The following ZBTB38 variants were observed in gnomAD, a reference collection of about 807,000 sequenced individuals.
The protein encoded by ZBTB38 is zinc finger and BTB domain containing 38.
Under a neutral mutation model 76.8 loss-of-function variants are expected in ZBTB38, and 20 were observed. The observed-to-expected ratio is 0.26, with a 90% CI of 0.18 to 0.38. The LOEUF is 0.38. ZBTB38 is among the 10% of genes least tolerant of loss of function. The pLI, the probability that ZBTB38 is intolerant of heterozygous loss-of-function variation, is 1.00. For missense variants in ZBTB38, 1,082 were observed against 1,482.3 expected (o/e 0.73, Z 4.43); for synonymous variants, 504 against 544.2 (o/e 0.93, Z 1.03).
At chr3:141,426,473 A>G (rs6762826) in intron 5 of ZBTB38, among the ~76,000 whole-genome samples, 28,499 of 152,142 alleles carry the variant, frequency 0.19, 4,250 homozygotes, top group African/African-American at 0.41. Flanking sequence ...ACCCAGCAGC[A>G]GGCCACAGAC....
At chr3:141,437,775 T>C (rs1217208350) in intron 5 of ZBTB38, among the ~76,000 whole-genome samples, 1 of 152,190 alleles carries the variant, frequency 6.6e-6, no homozygotes, top group African/African-American at 2.4e-5. Context: ...CTGTACTATC[T>C]GAATACCTCC....
intron 4 of ZBTB38, among the ~76,000 whole-genome samples, chr3:141,392,264 T>C (rs1949104219): frequency 6.6e-6 from 1 of 152,058 alleles, no homozygotes; most frequent in East Asian, 1.9e-4. Context: ...GGGCTGGTGG[T>C]AAAGGGGCTC....
chr3:141,371,366 T>C (rs1270143934), intron 2 of ZBTB38, among the ~76,000 whole-genome samples: 2 of 149,918 alleles, frequency 1.3e-5, no homozygotes, highest in African/African-American at 2.5e-5. Flanking sequence ...ACTTTTTTTT[T>C]CTTTGAGACA....
At chr3:141,436,331 C>G (rs1369495694) in intron 5 of ZBTB38, among the ~76,000 whole-genome samples, 1 of 152,166 alleles carries the variant, frequency 6.6e-6, no homozygotes, top group African/African-American at 2.4e-5. Context: ...ACTGAACCTG[C>G]CGAAGAGGCC....
chr3:141,329,384 C>G (rs767798132), intron 1 of ZBTB38, among the ~76,000 whole-genome samples: 3 of 152,168 alleles, frequency 2.0e-5, no homozygotes, highest in Non-Finnish European at 4.4e-5. Flanking sequence ...ATCCTTCTCC[C>G]AGCTTAATTT....
intron 2 of ZBTB38, among the ~76,000 whole-genome samples, chr3:141,380,438 A>T (rs769902027): frequency 6.6e-5 from 10 of 152,234 alleles, no homozygotes; most frequent in African/African-American, 1.9e-4. Context: ...AAAGATTTTC[A>T]TAGAGATTTT....
chr3:141,389,894 A>G (rs1451936856), intron 4 of ZBTB38: 1 of 152,166 alleles, frequency 6.6e-6, no homozygotes, highest in Non-Finnish European at 1.5e-5. Flanking sequence ...TTGTGACTCA[A>G]GCATGGTTGC....
chr3:141,349,765 T>C (rs111155330), intron 1 of ZBTB38, among the ~76,000 whole-genome samples: 182 of 150,566 alleles, frequency 1.2e-3, no homozygotes, highest in Non-Finnish European at 2.2e-3. Context: ...GAAAGACAGA[T>C]AAAAATAAAA....
At position 141,445,267 on chromosome 3, in the gene ZBTB38, G is replaced by A. The variant is rs1341263374; in HGVS notation, c.2879G>A (p.Cys960Tyr). The change falls in exon 6 of 6, where the codon TGC (cysteine) becomes TAC (tyrosine). Residue 960 changes from cysteine to tyrosine, a missense_variant. Cys to Tyr is a radical substitution (Grantham distance 194, BLOSUM62 -2). Around this residue, in one of 8 missense-constraint regions of ZBTB38, gnomAD observed 471 missense variants for 581.0 expected, o/e 0.81. Coordinates refer to ENST00000321464, the MANE Select transcript of ZBTB38 (RefSeq NM_001376113.1). The surrounding 1 kb of genome is among the most constrained non-coding windows in gnomAD (Gnocchi z 6.5). ...TGTAAATACCCAGCAGAACTGGATT[G>A]CGCCGTGGGGAAGGCTCCTCAGGAT... Reference protein sequence around the residue: ...HKCKYPAELDCAVGKAPQDKP... With the variant: ...HKCKYPAELDYAVGKAPQDKP... The A allele has an allele frequency of 1.9e-6, 3 of 1,614,108 alleles. No individual in the cohort carries two copies. In the African/African-American group the frequency reaches 4.0e-5, roughly 22 times the overall value.
chr3:141,416,244 G>C (rs2074021380), intron 5 of ZBTB38, among the ~76,000 whole-genome samples: 1 of 152,196 alleles, frequency 6.6e-6, no homozygotes, highest in South Asian at 2.1e-4. Flanking sequence ...CATTAATCTA[G>C]TTTAAAAATG....
At chr3:141,363,621 G>T (rs1004120376), upstream of ZBTB38, among the ~76,000 whole-genome samples, 2 of 151,840 alleles carry the variant, frequency 1.3e-5, no homozygotes, top group African/African-American at 2.4e-5. Context: ...TTGACAAAGG[G>T]GCCAAGACAA....
intron 1 of ZBTB38, among the ~76,000 whole-genome samples, chr3:141,346,219 G>C (rs1943349244): frequency 2.0e-5 from 3 of 152,124 alleles, no homozygotes; most frequent in South Asian, 4.1e-4. Flanking sequence ...TGATACCCAG[G>C]TGTCACCCCA....
intron 1 of ZBTB38, among the ~76,000 whole-genome samples, chr3:141,341,003 G>GAAGAA: frequency 6.7e-6 from 1 of 148,496 alleles, no homozygotes; most frequent in Non-Finnish European, 1.5e-5. Flanking sequence ...AAAGAAGAAA[G>GAAGAA]AAAGAAAGAA....
intron 5 of ZBTB38, among the ~76,000 whole-genome samples, chr3:141,406,180 T>C (rs575427056): frequency 6.6e-6 from 1 of 152,146 alleles, no homozygotes; most frequent in Non-Finnish European, 1.5e-5. Flanking sequence ...CATTAACCAA[T>C]AGGTGTCATT....
chr3:141,411,398 G>A (rs1956584827), intron 5 of ZBTB38, among the ~76,000 whole-genome samples: 1 of 152,204 alleles, frequency 6.6e-6, no homozygotes, highest in African/African-American at 2.4e-5. Context: ...AAAGAGCAAG[G>A]TTTCTCAAGG....
intron 1 of ZBTB38, among the ~76,000 whole-genome samples, chr3:141,340,142 C>G (rs1041278493): frequency 6.6e-6 from 1 of 152,174 alleles, no homozygotes; most frequent in African/African-American, 2.4e-5. Flanking sequence ...ATTCCAAAAC[C>G]TCTCTCAAAT....
chr3:141,426,015 A>G, intron 5 of ZBTB38: 1 of 542,532 alleles, frequency 1.8e-6, no homozygotes, highest in Non-Finnish European at 3.1e-6. Context: ...GTGTTGGGAC[A>G]CAGCTTGGAT....
intron 5 of ZBTB38, among the ~76,000 whole-genome samples, chr3:141,440,004 C>T (rs1223470457): frequency 6.6e-6 from 1 of 152,214 alleles, no homozygotes; most frequent in Non-Finnish European, 1.5e-5. Flanking sequence ...GTCACCCTTT[C>T]TCCCTTCAGG....
chr3:141,348,216 T>G (rs1943419983), intron 1 of ZBTB38, among the ~76,000 whole-genome samples: 2 of 152,204 alleles, frequency 1.3e-5, no homozygotes, highest in African/African-American at 4.8e-5. Flanking sequence ...TTACTATATA[T>G]GGTCATATGG....
Sources: allele counts gnomAD v4.1 joint callset (sites outside exome capture counted in the v4.1 genomes callset), GRCh38; gene constraint gnomAD v4.1.1; regional missense constraint gnomAD v4.1.1; non-coding constraint Gnocchi (gnomAD v3.1); transcripts MANE v1.5; gene names NCBI Gene and HGNC (gene_info 2026-07-23, HGNC 2026-07-21).